The following MBD5 variants were observed in gnomAD, a reference collection of about 807,000 sequenced individuals.
The protein encoded by MBD5 is methyl-CpG binding domain protein 5.
A neutral mutation model predicts 117.3 loss-of-function variants in MBD5; 13 were observed. The ratio of observed to expected loss-of-function variants is 0.11; its 90% CI spans 0.07 to 0.18. MBD5 has a LOEUF of 0.18. MBD5 is among the 10% of genes least tolerant of loss of function. MBD5 has a pLI of 1.00. For missense variants in MBD5, 1,879 were observed against 2,093.8 expected, an observed-to-expected ratio of 0.90 and a Z score of 2.00; for synonymous variants, 727 against 766.4, an observed-to-expected ratio of 0.95 and a Z score of 0.85.
Position 148,489,757 on chromosome 2 carries a change from G to T in MBD5, c.4125G>T (p.Ala1375=), listed in dbSNP as rs142981321. Residue 1375 remains alanine, a synonymous_variant, in exon 11 of 14, where the codon GCG becomes GCT. Coordinates refer to ENST00000642680, the MANE Select transcript of MBD5 (RefSeq NM_001378120.1). ...DPLNLSSAVS[A]VIHGRNMGGV... is the part of the protein sequence containing the mutation. ...TAAATCTCTCCAGTGCTGTCAGTGC[G>T]GTCATTCATGGACGGAACATGGGAG... 1 of 1,614,088 alleles carries T rather than the reference G, an allele frequency of 6.2e-7. No individual in the cohort carries two copies. Among genetic ancestry groups the T allele is most frequent in the Non-Finnish European group, 8.5e-7 (1 of 1,180,022 alleles).
intron 2 of MBD5, among the ~76,000 whole-genome samples, chr2:148,228,737 C>T (rs1479596176): frequency 6.6e-6 from 1 of 152,136 alleles, no homozygotes; most frequent in African/African-American, 2.4e-5. Flanking sequence ...TCCATCTGGT[C>T]CTGGACTTTT....
intron 11 of MBD5, among the ~76,000 whole-genome samples, chr2:148,495,817 T>A (rs1429754484): frequency 6.6e-6 from 1 of 152,194 alleles, no homozygotes; most frequent in East Asian, 1.9e-4. Context: ...TTAAAACTCA[T>A]AACCAAATCT....
intron 4 of MBD5, among the ~76,000 whole-genome samples, chr2:148,434,728 C>T (rs776801044): frequency 6.6e-6 from 1 of 151,978 alleles, no homozygotes; most frequent in Non-Finnish European, 1.5e-5. Flanking sequence ...AATGTATATT[C>T]GGTGTTTTGG....
At position 148,051,604 on chromosome 2, in the gene MBD5, A is replaced by AGTGTGTGTGTGT. The variant is rs59584574; in HGVS notation, c.-925+29953_-925+29964dup. ...AAATTTCCTTCTGTTCTGTTTGTTG[A>AGTGTGTGTGTGT]GTGTGTGTGTGTGTGTGTGTGTGTG... is the stretch of plus-strand genomic sequence containing the variant. On this transcript the variant is annotated intron_variant, in intron 1 of 13. Coordinates refer to ENST00000642680, the MANE Select transcript of MBD5 (RefSeq NM_001378120.1). Among the ~76,000 whole-genome samples, 100 of 139,232 alleles carry AGTGTGTGTGTGT rather than the reference A, an allele frequency of 7.2e-4. 1 individual carries two copies. The highest frequency in any genetic ancestry group is 1.9e-3 in the South Asian group (8 of 4,176). 91.3% of individuals were successfully genotyped at this position (139,232 alleles called of 152,430 possible). A position where few individuals can be genotyped will look rare whatever the true frequency, so the allele number is the denominator to read the frequency against.
At chr2:148,155,113 A>T (rs565891171) in intron 1 of MBD5, among the ~76,000 whole-genome samples, 239 of 152,342 alleles carry the variant, frequency 1.6e-3, no homozygotes, top group Non-Finnish European at 2.8e-3. Context: ...TCTGATATTG[A>T]CAAATTCTTT....
At chr2:148,456,168 T>G (rs2105517692) in intron 4 of MBD5, among the ~76,000 whole-genome samples, 1 of 152,312 alleles carries the variant, frequency 6.6e-6, no homozygotes, top group African/African-American at 2.4e-5. Context: ...AACCAAACAC[T>G]GTAAACTGGA....
rs543039597 is a variant in MBD5, at chr2:148,054,842, C to A, written c.-925+33158C>A. The A allele has an allele frequency of 8.5e-4, 130 of 152,276 alleles. 1 individual carries two copies. Among genetic ancestry groups the A allele is most frequent in the African/African-American group, 3.0e-3 (124 of 41,556 alleles). 9.4% of individuals were successfully genotyped at this position (152,276 alleles called of 1,614,324 possible). On this transcript the variant is annotated intron_variant, in intron 1 of 13. Transcript: ENST00000642680. ...TCAACTTTATTGGATAAATTCACTA[C>A]GTTTTCCAAAATTATTGTGTCAATA... is the stretch of plus-strand genomic sequence containing the variant.
rs1364737152 is a variant in MBD5, at chr2:148,514,205, A to G, written c.*1264A>G. 1.3e-5 allele frequency: 2 copies of G among 152,328 alleles called. No homozygotes were observed. Among genetic ancestry groups the G allele is most frequent in the Middle Eastern group, 3.4e-3 (1 of 294 alleles). The allele number at this position is 152,328 out of a possible 1,614,324, so 9.4% of individuals were successfully genotyped here. ...TGGCAAAAATGTGCAGGTTAAATCT[A>G]TTAACCAAATTATTTATATTATATT... On this transcript the variant is annotated 3_prime_UTR_variant, in exon 14 of 14. Transcript: ENST00000642680.
At chr2:148,335,730 A>G (rs1320641554) in intron 3 of MBD5, among the ~76,000 whole-genome samples, 1 of 151,958 alleles carries the variant, frequency 6.6e-6, no homozygotes, top group Non-Finnish European at 1.5e-5. Context: ...AAGAATAATA[A>G]TAATAATAAA....
chr2:148,505,402 A>G (rs1167875078), intron 12 of MBD5, among the ~76,000 whole-genome samples: 1 of 152,228 alleles, frequency 6.6e-6, no homozygotes, highest in African/African-American at 2.4e-5. Flanking sequence ...CTAAGGATTG[A>G]ACATGCAATA....
chr2:148,430,267 C>T (rs1367271133), intron 4 of MBD5, among the ~76,000 whole-genome samples: 4 of 152,116 alleles, frequency 2.6e-5, no homozygotes. Context: ...CTATTATCTT[C>T]ATTTGGCAGA....
chr2:148,440,336 T>C (rs1245430935), intron 4 of MBD5, among the ~76,000 whole-genome samples: 1 of 152,246 alleles, frequency 6.6e-6, no homozygotes, highest in African/African-American at 2.4e-5. Context: ...TCTGTGTTCC[T>C]GTAATACATC....
chr2:148,222,700 ATAT>A (rs1699720264), intron 2 of MBD5, among the ~76,000 whole-genome samples: 1 of 151,868 alleles, frequency 6.6e-6, no homozygotes, highest in Non-Finnish European at 1.5e-5. Context: ...TCCAAATATA[ATAT>A]TATGTCATCT....
intron 8 of MBD5, chr2:148,471,604 T>G (rs1003531349): frequency 2.6e-5 from 4 of 152,096 alleles, no homozygotes; most frequent in African/African-American, 9.7e-5. Flanking sequence ...GTAAAAGCGT[T>G]TTCCTTCCTA....
chr2:148,099,010 G>A (rs1193315617), intron 1 of MBD5, among the ~76,000 whole-genome samples: 1 of 152,098 alleles, frequency 6.6e-6, no homozygotes, highest in African/African-American at 2.4e-5. Flanking sequence ...AGCCATGATC[G>A]TGCCACTGTA....
intron 4 of MBD5, among the ~76,000 whole-genome samples, chr2:148,456,894 A>G (rs555858056): frequency 5.3e-5 from 8 of 152,172 alleles, no homozygotes; most frequent in Non-Finnish European, 1.2e-4. Context: ...ACCTGAATAT[A>G]CGATGGCCTT....
At chr2:148,423,939 G>A (rs1705690736) in intron 4 of MBD5, among the ~76,000 whole-genome samples, 1 of 152,012 alleles carries the variant, frequency 6.6e-6, no homozygotes, top group African/African-American at 2.4e-5. Context: ...AGCACTTTGG[G>A]AGGCTGAGGC....
chr2:148,367,773 A>G (rs1043743480), intron 4 of MBD5, among the ~76,000 whole-genome samples: 15 of 152,340 alleles, frequency 9.8e-5, no homozygotes, highest in Admixed American at 6.5e-4. Flanking sequence ...TAAAACCACA[A>G]TGAGATAGCA....
At chr2:148,039,731 C>T (rs777344451) in intron 1 of MBD5, among the ~76,000 whole-genome samples, 3 of 152,000 alleles carry the variant, frequency 2.0e-5, no homozygotes, top group Non-Finnish European at 2.9e-5. Context: ...TATGAAAATA[C>T]TACGTGGAAT....
Sources: gnomAD v4.1 joint callset for allele counts (sites outside exome capture counted in the v4.1 genomes callset) on GRCh38, gnomAD v4.1.1 for gene constraint, MANE v1.5 for transcripts, NCBI Gene and HGNC (gene_info 2026-07-23, HGNC 2026-07-21) for gene names.